FRMD4A: variants seen among roughly 807,000 people sequenced by gnomAD.
FRMD4A encodes the protein FERM domain-containing protein 4A.
A neutral mutation model predicts 129.1 loss-of-function variants in FRMD4A; 29 were observed. The observed-to-expected ratio is 0.22, with a 90% CI of 0.17 to 0.31. FRMD4A has a LOEUF of 0.31. Among genes scored for constraint, FRMD4A ranks in the 10% least tolerant of loss-of-function variants. The pLI, the probability that FRMD4A is intolerant of heterozygous loss-of-function variation, is 1.00. For missense variants in FRMD4A, 1,272 were observed against 1,375.8 expected (o/e 0.92, Z 1.19); for synonymous variants, 634 against 571.6 (o/e 1.11, Z -1.56).
intron 5 of FRMD4A, among the ~76,000 whole-genome samples, chr10:13,793,175 T>C (rs2093040306): frequency 6.6e-6 from 1 of 150,546 alleles, no homozygotes; most frequent in African/African-American, 2.4e-5. Flanking sequence ...TCTGTTTCTT[T>C]TTTTTTTTTT....
chr10:14,049,902 G>T (rs895435511), intron 2 of FRMD4A, among the ~76,000 whole-genome samples: 1 of 152,106 alleles, frequency 6.6e-6, no homozygotes, highest in African/African-American at 2.4e-5. Context: ...GCTTTTACGC[G>T]TTGACTGTCT....
intron 2 of FRMD4A, among the ~76,000 whole-genome samples, chr10:13,886,211 C>T (rs1161077152): frequency 7.8e-6 from 1 of 127,762 alleles, no homozygotes; most frequent in African/African-American, 3.0e-5. Flanking sequence ...AATCTAATTC[C>T]CCATTACCTG....
intron 2 of FRMD4A, among the ~76,000 whole-genome samples, chr10:14,285,495 G>C (rs1879604): frequency 5.9e-5 from 9 of 152,214 alleles, no homozygotes; most frequent in Non-Finnish European, 8.8e-5. Context: ...TGCCCATGGA[G>C]GCATGTGGAA....
At chr10:14,150,280 G>C (rs1437545425) in intron 2 of FRMD4A, among the ~76,000 whole-genome samples, 1 of 152,126 alleles carries the variant, frequency 6.6e-6, no homozygotes, top group East Asian at 1.9e-4. Flanking sequence ...AAAGAGCTTG[G>C]ACAGAGAAGT....
At chr10:13,884,962 T>C (rs1384907064) in intron 2 of FRMD4A, among the ~76,000 whole-genome samples, 1 of 152,242 alleles carries the variant, frequency 6.6e-6, no homozygotes. Context: ...CCTCCACTTC[T>C]ACAGCCAGCT....
intron 2 of FRMD4A, among the ~76,000 whole-genome samples, chr10:13,918,867 T>TAAAA (rs199854964): frequency 1.3e-5 from 2 of 149,366 alleles, no homozygotes; most frequent in African/African-American, 4.9e-5. Flanking sequence ...TGGTTTTTTG[T>TAAAA]AAGAAAAAAA....
At chr10:13,847,364 G>A (rs1349305681) in intron 3 of FRMD4A, among the ~76,000 whole-genome samples, 2 of 152,192 alleles carry the variant, frequency 1.3e-5, no homozygotes, top group Admixed American at 6.5e-5. Context: ...AGGGCGATAG[G>A]GAAGGCCCGC....
rs139403004 is a variant in FRMD4A at position 14,027,509 on chromosome 10, G to C, written c.46-168597C>G. ...CATGTGCCTGTAATCCCAGCTACTCGGGAGGCTGAGACAGGAGAATTGCTT... is the reference window on the plus strand; with the variant it reads ...CATGTGCCTGTAATCCCAGCTACTCCGGAGGCTGAGACAGGAGAATTGCTT... On this transcript the variant is annotated intron_variant, in intron 2 of 24. Coordinates refer to ENST00000357447, the MANE Select transcript of FRMD4A (RefSeq NM_018027.5). Among the ~76,000 whole-genome samples, 736 of 152,278 alleles carry C rather than the reference G, an allele frequency of 4.8e-3. 10 individuals are homozygous for C. The highest frequency in any genetic ancestry group is 0.017 in the African/African-American group (718 of 41,540).
intron 15 of FRMD4A, among the ~76,000 whole-genome samples, chr10:13,675,323 A>T (rs1288477944): frequency 1.3e-5 from 2 of 152,220 alleles, no homozygotes; most frequent in African/African-American, 2.4e-5. Context: ...TACCTTTTTA[A>T]ATTTTACTAG....
chr10:14,293,610 T>C (rs1353585931), intron 2 of FRMD4A, among the ~76,000 whole-genome samples: 6 of 140,950 alleles, frequency 4.3e-5, no homozygotes, highest in Non-Finnish European at 9.3e-5. Context: ...TAAGTTTTGA[T>C]GAAGATAGAG....
chr10:14,029,079 A>G lies in FRMD4A; in HGVS notation c.46-170167T>C, dbSNP rs563499136. Among the ~76,000 whole-genome samples the G allele has an allele frequency of 1.8e-3, 268 of 152,322 alleles. 1 individual carries two copies. The highest frequency in any genetic ancestry group is 6.3e-3 in the African/African-American group (262 of 41,572). On this transcript the variant is annotated intron_variant, in intron 2 of 24. Transcript: ENST00000357447. ...ACTCTATACGGTAGGCAAACACCGG[A>G]ATTTGTTCTGTGCATTTAAATAACA...
At chr10:13,833,572 T>C (rs2093823790) in intron 3 of FRMD4A, among the ~76,000 whole-genome samples, 2 of 152,098 alleles carry the variant, frequency 1.3e-5, no homozygotes, top group South Asian at 2.1e-4. Flanking sequence ...AGGGCCCAGA[T>C]TTGGGAGCTC....
At chr10:14,181,970 C>T (rs1440178532) in intron 2 of FRMD4A, among the ~76,000 whole-genome samples, 2 of 152,234 alleles carry the variant, frequency 1.3e-5, no homozygotes, top group Admixed American at 1.3e-4. Flanking sequence ...GCTGGGATTA[C>T]AGACGTGAGC....
intron 2 of FRMD4A, among the ~76,000 whole-genome samples, chr10:13,885,128 T>C (rs1564973416): frequency 6.6e-6 from 1 of 152,200 alleles, no homozygotes; most frequent in African/African-American, 2.4e-5. Context: ...CTCATGCCTG[T>C]AATCCCAGGG....
At chr10:13,675,231 AG>A (rs2083876528) in intron 15 of FRMD4A, among the ~76,000 whole-genome samples, 187 bp from the exon 16 acceptor site, 1 of 152,250 alleles carries the variant, frequency 6.6e-6, no homozygotes, top group South Asian at 2.1e-4. Flanking sequence ...TGGAATTTAT[AG>A]CCAGTCACAA....
At position 13,988,337 on chromosome 10, in the gene FRMD4A, G is replaced by A. The variant is rs115950853; in HGVS notation, c.46-129425C>T. ...TTCGACCTTGGTAGGATGTCACAGAGGAAGAGATCCTTTTAGAGTGGATTG... is the reference window on the plus strand; with the variant it reads ...TTCGACCTTGGTAGGATGTCACAGAAGAAGAGATCCTTTTAGAGTGGATTG... On this transcript the variant is annotated intron_variant, in intron 2 of 24. Coordinates refer to ENST00000357447, the MANE Select transcript of FRMD4A (RefSeq NM_018027.5). Among the ~76,000 whole-genome samples the A allele has an allele frequency of 2.1e-3, 313 of 152,286 alleles. 2 individuals carry two copies. Among genetic ancestry groups the A allele is most frequent in the African/African-American group, 7.2e-3 (298 of 41,558 alleles).
chr10:13,997,624 C>CTTTT (rs775846641), intron 2 of FRMD4A, among the ~76,000 whole-genome samples: 1 of 86,154 alleles, frequency 1.2e-5, no homozygotes, highest in African/African-American at 3.4e-5. Flanking sequence ...CTTTTCTTTT[C>CTTTT]TTTTTTTTTT....
At chr10:13,818,989 G>C (rs531776439) in intron 3 of FRMD4A, among the ~76,000 whole-genome samples, 1 of 152,068 alleles carries the variant, frequency 6.6e-6, no homozygotes, top group East Asian at 1.9e-4. Context: ...TTAGCTGGGC[G>C]TGGTGGCTCA....
intron 2 of FRMD4A, among the ~76,000 whole-genome samples, chr10:14,290,308 G>T (rs889621790): frequency 5.3e-5 from 8 of 152,048 alleles, no homozygotes; most frequent in Admixed American, 5.2e-4. Context: ...GAAGGCATCA[G>T]ACTTCCTGAT....
Sources: allele counts gnomAD v4.1 joint callset (sites outside exome capture counted in the v4.1 genomes callset), GRCh38; gene constraint gnomAD v4.1.1; transcripts MANE v1.5; gene names NCBI Gene and HGNC (gene_info 2026-07-23, HGNC 2026-07-21).